Variants in GRM8 observed in about 807,000 individuals in gnomAD.
GRM8 encodes the protein metabotropic glutamate receptor 8.
In GRM8, 47 loss-of-function variants were observed where a neutral mutation model predicts 87.2. The observed-to-expected ratio is 0.54, with a 90% confidence interval of 0.43 to 0.69. The LOEUF is 0.69. Ranked by LOEUF, GRM8 falls within the 30% of genes least tolerant of loss-of-function variation. GRM8 has a pLI of 0.00. For missense variants in GRM8, 1,019 were observed against 1,139.2 expected, an observed-to-expected ratio of 0.89 and a Z score of 1.52; for synonymous variants, 396 against 404.5, an observed-to-expected ratio of 0.98 and a Z score of 0.25.
chr7:126,447,754 G>T (rs1802181268), intron 9 of GRM8, among the ~76,000 whole-genome samples: 1 of 151,948 alleles, frequency 6.6e-6, no homozygotes, highest in Admixed American at 6.6e-5. Flanking sequence ...CCATGAGCAG[G>T]ATGTGAGGCA....
At chr7:127,149,788 A>C (rs1330542181) in intron 2 of GRM8, among the ~76,000 whole-genome samples, 1 of 152,102 alleles carries the variant, frequency 6.6e-6, no homozygotes, top group African/African-American at 2.4e-5. Context: ...GGCTAAGTGA[A>C]ATAAGGCAGA....
chr7:126,678,054 G>C lies in GRM8; in HGVS notation c.1358-68556C>G, dbSNP rs183404966. ...TGGTAGTTATGATGGTGTTCGCTTA[G>C]TGCAGATCAATTAAGCTTTAAATCA... On this transcript the variant is annotated intron_variant, in intron 7 of 10. Transcript: ENST00000339582. Among the ~76,000 whole-genome samples, 384 of 152,252 alleles carry C rather than the reference G, an allele frequency of 2.5e-3. 1 individual carries two copies. The highest frequency in any genetic ancestry group is 4.1e-3 in the Non-Finnish European group (278 of 68,016).
intron 6 of GRM8, among the ~76,000 whole-genome samples, chr7:126,816,297 C>A (rs1279996858): frequency 1.3e-5 from 2 of 152,058 alleles, no homozygotes; most frequent in Non-Finnish European, 2.9e-5. Flanking sequence ...GCTTTACCAC[C>A]CTCCTGCCTA....
intron 3 of GRM8, among the ~76,000 whole-genome samples, chr7:126,997,266 C>T (rs1049973821): frequency 1.3e-5 from 2 of 151,096 alleles, no homozygotes; most frequent in Non-Finnish European, 3.0e-5. Context: ...GGAAACACAA[C>T]ATACCACAAC....
chr7:126,923,915 C>A lies in GRM8; in HGVS notation c.728-19232G>T, dbSNP rs992159658. 2.0e-5 allele frequency among the ~76,000 whole-genome samples: 3 copies of A among 151,216 alleles called. No homozygotes were observed. In the East Asian group the frequency reaches 5.8e-4, roughly 29 times the overall value. ...CATTCAGATTGAAACTTGATGAGTT[C>A]TATTTGAGAAATAAATCACAGATTC... On this transcript the variant is annotated intron_variant, in intron 3 of 10. Transcript: ENST00000339582.
chr7:126,689,583 T>C (rs1808584449), intron 7 of GRM8, among the ~76,000 whole-genome samples: 5 of 151,954 alleles, frequency 3.3e-5, no homozygotes, highest in South Asian at 2.1e-4. Flanking sequence ...GTAGAGTGTA[T>C]GTGTGTCAGG....
intron 3 of GRM8, among the ~76,000 whole-genome samples, chr7:126,951,175 C>T (rs2131605276): frequency 6.6e-6 from 1 of 152,172 alleles, no homozygotes; most frequent in Non-Finnish European, 1.5e-5. Flanking sequence ...TATTATGTTA[C>T]TCCTTGTATA....
chr7:127,038,346 G>A (rs1044685789), intron 3 of GRM8, among the ~76,000 whole-genome samples: 4 of 151,976 alleles, frequency 2.6e-5, no homozygotes, highest in African/African-American at 7.3e-5. Flanking sequence ...AGAAAAATAC[G>A]AGAGGAGAGG....
At chr7:126,920,063 C>T (rs1804352780) in intron 3 of GRM8, among the ~76,000 whole-genome samples, 1 of 152,088 alleles carries the variant, frequency 6.6e-6, no homozygotes, top group African/African-American at 2.4e-5. Flanking sequence ...TAGATGAAGT[C>T]ATGAGAGTAA....
intron 3 of GRM8, among the ~76,000 whole-genome samples, chr7:127,017,124 A>G (rs1379170476): frequency 2.0e-5 from 3 of 152,068 alleles, no homozygotes; most frequent in Non-Finnish European, 4.4e-5. Flanking sequence ...AAAACCCTTT[A>G]TTACTGCAAC....
At chr7:126,510,632 G>C (rs1345879998) in intron 9 of GRM8, among the ~76,000 whole-genome samples, 1 of 7,212 alleles carries the variant, frequency 1.4e-4, no homozygotes. Context: ...GTGGAAGAGG[G>C]TTAGAATTTT....
chr7:126,807,504 T>G (rs183320726), intron 6 of GRM8, among the ~76,000 whole-genome samples: 8 of 152,306 alleles, frequency 5.3e-5, no homozygotes, highest in African/African-American at 1.9e-4. Context: ...TCAAGCGAGA[T>G]GCATTTCCCT....
chr7:126,454,232 G>A (rs1802965261), intron 9 of GRM8, among the ~76,000 whole-genome samples: 1 of 151,662 alleles, frequency 6.6e-6, no homozygotes, highest in African/African-American at 2.4e-5. Flanking sequence ...TAGAAGCCAG[G>A]AAAAGAGAAA....
chr7:126,864,625 A>T (rs1161476382), intron 6 of GRM8, among the ~76,000 whole-genome samples: 1 of 152,160 alleles, frequency 6.6e-6, no homozygotes, highest in Non-Finnish European at 1.5e-5. Flanking sequence ...ATATAGCTTT[A>T]AGTCTATACC....
At chr7:127,105,298 C>T (rs1825705236) in intron 3 of GRM8, 2 of 152,194 alleles carry the variant, frequency 1.3e-5, no homozygotes, top group Admixed American at 1.3e-4. Context: ...ACACTTACAG[C>T]AGGTGTGAAC....
intron 2 of GRM8, among the ~76,000 whole-genome samples, chr7:127,208,597 G>C (rs529348917): frequency 1.3e-5 from 2 of 152,284 alleles, no homozygotes; most frequent in African/African-American, 2.4e-5. Flanking sequence ...CTCTAGAGCC[G>C]GTCTCTGCCA....
intron 7 of GRM8, among the ~76,000 whole-genome samples, chr7:126,723,077 G>C (rs186284320): frequency 0.016 from 2,343 of 149,704 alleles, 31 homozygotes; most frequent in Non-Finnish European, 0.023. Context: ...TTTCTTTGGA[G>C]GGTGCTTTTC....
intron 9 of GRM8, among the ~76,000 whole-genome samples, chr7:126,532,390 C>T (rs1318432339): frequency 6.6e-6 from 1 of 152,132 alleles, no homozygotes; most frequent in East Asian, 1.9e-4. Context: ...CGAAGCCATT[C>T]AGTTTTTATA....
chr7:126,771,091 A>C (rs976015450), intron 6 of GRM8, among the ~76,000 whole-genome samples: 3 of 152,096 alleles, frequency 2.0e-5, no homozygotes, highest in Non-Finnish European at 4.4e-5. Flanking sequence ...ACACTTAGAC[A>C]AAAGCAAGTA....
Sources: gnomAD v4.1 joint callset for allele counts (sites outside exome capture counted in the v4.1 genomes callset) on GRCh38, gnomAD v4.1.1 for gene constraint, MANE v1.5 for transcripts, NCBI Gene and HGNC (gene_info 2026-07-23, HGNC 2026-07-21) for gene names.